Variants in RBFOX2 observed in about 807,000 individuals in gnomAD.
The protein encoded by RBFOX2 is RNA binding fox-1 homolog 2.
A neutral mutation model predicts 49.1 loss-of-function variants in RBFOX2; 10 were observed. The observed-to-expected ratio is 0.20, with a 90% confidence interval of 0.13 to 0.35. The LOEUF is 0.35. Ranked by LOEUF, RBFOX2 falls within the 10% of genes least tolerant of loss-of-function variation. RBFOX2 has a pLI of 1.00. For missense variants in RBFOX2, 323 were observed against 486.9 expected (o/e 0.66, Z 3.17); for synonymous variants, 183 against 187.4 (o/e 0.98, Z 0.19).
At chr22:35,832,300 G>A (rs1449632374) in intron 1 of RBFOX2, among the ~76,000 whole-genome samples, 1 of 149,694 alleles carries the variant, frequency 6.7e-6, no homozygotes, top group Non-Finnish European at 1.5e-5. Context: ...TTGAACCCAG[G>A]AGGCGGAGGT....
chr22:35,918,041 G>A (rs879809243), intron 1 of RBFOX2, among the ~76,000 whole-genome samples: 1 of 152,182 alleles, frequency 6.6e-6, no homozygotes, highest in Admixed American at 6.5e-5. Context: ...GTAAAACGGG[G>A]GTGATATGAT....
exon 2 of RBFOX2, chr22:35,809,970 A>G: frequency 1.9e-6 from 3 of 1,614,142 alleles, no homozygotes; most frequent in Non-Finnish European, 8.5e-7. Flanking sequence ...AGGCTGAACC[A>G]TTGCGTCAGG....
chr22:35,997,628 G>A (rs1232904646), intron 1 of RBFOX2: 2 of 152,230 alleles, frequency 1.3e-5, no homozygotes, highest in Non-Finnish European at 2.9e-5. Context: ...GATGCGGAGG[G>A]AGTATAGAGG....
intron 4 of RBFOX2, among the ~76,000 whole-genome samples, chr22:35,773,250 CATG>C (rs947656973): frequency 5.9e-5 from 9 of 151,734 alleles, no homozygotes; most frequent in Admixed American, 2.6e-4. Flanking sequence ...AATTAAAAGC[CATG>C]ATAATAGGGA....
At chr22:35,748,416 G>A (rs539410719) in intron 9 of RBFOX2, 8 of 152,140 alleles carry the variant, frequency 5.3e-5, no homozygotes, top group African/African-American at 1.7e-4. Flanking sequence ...TTCTAGCCAG[G>A]ATCTGGGCAA....
At chr22:35,922,710 A>T (rs1206182180) in intron 1 of RBFOX2, among the ~76,000 whole-genome samples, 3 of 152,194 alleles carry the variant, frequency 2.0e-5, no homozygotes, top group Admixed American at 2.0e-4. Flanking sequence ...CAAAAGAAAA[A>T]TGACATTTCA....
Position 35,768,373 on chromosome 22 carries a change from GA to G in RBFOX2, c.454-25del, listed in dbSNP as rs770327402. 4 of 1,581,382 alleles carry G rather than the reference GA, an allele frequency of 2.5e-6. No homozygotes were observed. The South Asian group carries it at 3.3e-5, about 13-fold the overall frequency. ...CCCTGCATGCAGCGGGAGAAGGGGG[GA>G]AAACATGCACATCGTTATATTGAAA... On this transcript the variant is annotated intron_variant, in intron 4 of 11. Coordinates refer to ENST00000405409, the Ensembl canonical transcript of RBFOX2.
At chr22:35,785,085 C>A (rs1210324630) in intron 2 of RBFOX2, among the ~76,000 whole-genome samples, 4 of 152,150 alleles carry the variant, frequency 2.6e-5, no homozygotes, top group Non-Finnish European at 5.9e-5. Context: ...GCAGCCTCAA[C>A]CTCCTGGGTT....
intron 9 of RBFOX2, 37 bp from the exon 11 acceptor site, chr22:35,756,181 A>G: frequency 6.7e-7 from 1 of 1,485,756 alleles, no homozygotes; most frequent in Non-Finnish European, 9.0e-7. Flanking sequence ...AACAAAAAAA[A>G]CAAAAGAACA....
At chr22:35,908,377 G>C (rs2149493131) in intron 1 of RBFOX2, among the ~76,000 whole-genome samples, 1 of 152,292 alleles carries the variant, frequency 6.6e-6, no homozygotes, top group Middle Eastern at 3.4e-3. Context: ...AAACATCATA[G>C]CTTAGCCTAG....
chr22:35,894,998 G>C (rs1320440621), intron 1 of RBFOX2, among the ~76,000 whole-genome samples: 1 of 148,202 alleles, frequency 6.7e-6, no homozygotes, highest in Non-Finnish European at 1.5e-5. Context: ...AAAAAGAAAA[G>C]ACTGGTCTCC....
chr22:35,807,544 G>C (rs1482708125), intron 2 of RBFOX2, among the ~76,000 whole-genome samples: 1 of 149,724 alleles, frequency 6.7e-6, no homozygotes, highest in Non-Finnish European at 1.5e-5. Flanking sequence ...AAAATGTCTC[G>C]AACGAAAAAA....
chr22:35,767,245 C>T (rs535000698), intron 5 of RBFOX2, among the ~76,000 whole-genome samples: 1 of 152,126 alleles, frequency 6.6e-6, no homozygotes, highest in African/African-American at 2.4e-5. Flanking sequence ...GGAAGAGGAA[C>T]AACAAGTCAA....
intron 2 of RBFOX2, among the ~76,000 whole-genome samples, chr22:35,785,889 C>T (rs1403092995): frequency 6.6e-6 from 1 of 152,160 alleles, no homozygotes; most frequent in Admixed American, 6.5e-5. Flanking sequence ...TCAAGCAAAC[C>T]AACACGCAGT....
At chr22:35,962,471 C>A (rs535479978), upstream of RBFOX2, among the ~76,000 whole-genome samples, 127 of 152,282 alleles carry the variant, frequency 8.3e-4, 1 homozygote, top group South Asian at 2.5e-3. Flanking sequence ...GGGACTGAAT[C>A]AAGAGTAAGT....
At chr22:35,920,537 A>G (rs1344329242) in intron 1 of RBFOX2, among the ~76,000 whole-genome samples, 2 of 152,134 alleles carry the variant, frequency 1.3e-5, no homozygotes, top group Non-Finnish European at 2.9e-5. Context: ...TTCCAGTTCC[A>G]TGTCCCCTTC....
intron 1 of RBFOX2, among the ~76,000 whole-genome samples, chr22:35,828,712 A>G (rs777943897): frequency 9.2e-5 from 14 of 152,210 alleles, no homozygotes; most frequent in Admixed American, 3.3e-4. Context: ...GGAAAAATTA[A>G]CCAGAGACTA....
intron 1 of RBFOX2, among the ~76,000 whole-genome samples, chr22:35,875,607 G>GT (rs1556288958): frequency 1.7e-5 from 2 of 117,670 alleles, no homozygotes; most frequent in African/African-American, 3.3e-5. Flanking sequence ...TGCTCACAAG[G>GT]GTGTGTGTGT....
chr22:35,830,172 T>G (rs1469292408), intron 1 of RBFOX2, among the ~76,000 whole-genome samples: 1 of 152,208 alleles, frequency 6.6e-6, no homozygotes, highest in Non-Finnish European at 1.5e-5. Flanking sequence ...AATCATTAAT[T>G]AACTCAAAAG....
Sources: allele counts gnomAD v4.1 joint callset (sites outside exome capture counted in the v4.1 genomes callset), GRCh38; gene constraint gnomAD v4.1.1; transcripts MANE v1.5; gene names NCBI Gene and HGNC (gene_info 2026-07-23, HGNC 2026-07-21).